The following PCSK6 variants were observed in gnomAD, a reference collection of about 807,000 sequenced individuals.
PCSK6 encodes paired basic amino acid cleaving enzyme 4.
Under a neutral mutation model 123.3 loss-of-function variants are expected in PCSK6, and 85 were observed. The observed-to-expected ratio is 0.69, with a 90% CI of 0.58 to 0.83. The LOEUF (loss-of-function observed/expected upper bound fraction) is 0.83, where lower values mean the gene tolerates loss of function less well. Ranked by LOEUF, PCSK6 falls within the 40% of genes least tolerant of loss-of-function variation. The pLI is 0.00. For missense variants in PCSK6, 1,191 were observed against 1,282.3 expected (o/e 0.93, Z 1.09); for synonymous variants, 508 against 516.0 (o/e 0.98, Z 0.21).
chr15:101,391,292 G>C (rs190326561), intron 8 of PCSK6, among the ~76,000 whole-genome samples: 1 of 152,240 alleles, frequency 6.6e-6, no homozygotes, highest in Non-Finnish European at 1.5e-5. Context: ...AATGTACTTG[G>C]GCTTGGTAAA....
intron 11 of PCSK6, among the ~76,000 whole-genome samples, chr15:101,376,876 C>T (rs761659447): frequency 6.6e-6 from 1 of 152,160 alleles, no homozygotes; most frequent in Non-Finnish European, 1.5e-5. Context: ...CTCTGTATAA[C>T]AACAGCCCAA....
intron 1 of PCSK6, among the ~76,000 whole-genome samples, chr15:101,448,891 C>T (rs956901357): frequency 2.6e-5 from 4 of 152,140 alleles, no homozygotes; most frequent in South Asian, 2.1e-4. Flanking sequence ...TCATGGGAGG[C>T]CTATATTATG....
chr15:101,428,297 C>T (rs2056328408), intron 5 of PCSK6, among the ~76,000 whole-genome samples: 1 of 152,248 alleles, frequency 6.6e-6, no homozygotes, highest in African/African-American at 2.4e-5. Flanking sequence ...CCTTCCTCCT[C>T]CCAGCACGTG....
intron 2 of PCSK6, among the ~76,000 whole-genome samples, chr15:101,441,376 C>A (rs2056749687): frequency 6.6e-6 from 1 of 152,028 alleles, no homozygotes. Flanking sequence ...GAGTCTGTCT[C>A]TGCTGCCTCA....
chr15:101,322,206 G>A (rs1225260118), intron 18 of PCSK6, among the ~76,000 whole-genome samples: 2 of 152,206 alleles, frequency 1.3e-5, no homozygotes, highest in African/African-American at 4.8e-5. Context: ...CAGACAGCGA[G>A]GGGAACTGGA....
chr15:101,376,038 A>G (rs1309907430), intron 11 of PCSK6, among the ~76,000 whole-genome samples: 1 of 152,150 alleles, frequency 6.6e-6, no homozygotes, highest in Non-Finnish European at 1.5e-5. Flanking sequence ...CATCTCAAAT[A>G]AAAACAAGTG....
Position 101,443,600 on chromosome 15 carries a change from AG to A in PCSK6, c.357del (p.Leu120Ter), listed in dbSNP as rs1360277805. 5 of 1,613,878 alleles carry A rather than the reference AG, an allele frequency of 3.1e-6. No individual in the cohort carries two copies. The Admixed American group carries it at 8.3e-5, about 27-fold the overall frequency. On this transcript the variant is annotated frameshift_variant, in exon 2 of 22. Transcript: ENST00000611716. LOFTEE classifies it high-confidence loss of function. ...AAGGTGTGAGGGCCTCTGCTACTCA[AG>A]GTTGATCTTTTAAAGGTTTTGCTGT... ...FYHSKTFKRS[T>X]LSSRGPHTFL...
chr15:101,431,960 T>G, intron 3 of PCSK6, 30 bp downstream of exon 3: 1 of 1,506,208 alleles, frequency 6.6e-7, no homozygotes, highest in Non-Finnish European at 9.2e-7. Context: ...GCAAGTGTCC[T>G]GGGGCAGACA....
chr15:101,389,593 G>C, intron 8 of PCSK6, 29 bp from the exon 9 acceptor site: 1 of 1,557,620 alleles, frequency 6.4e-7, no homozygotes, highest in Non-Finnish European at 8.8e-7. Context: ...CAGTGAGGCA[G>C]TGATGGCAGA....
In PCSK6 at chr15:101,428,137, C is replaced by A. The variant is rs187827818; in HGVS notation, c.735-157G>T. On this transcript the variant is annotated intron_variant, in intron 5 of 21. Coordinates refer to ENST00000611716, the MANE Select transcript of PCSK6 (RefSeq NM_002570.5). ...GCATCCCCTCTCATCACCAACCCCA[C>A]TCTGGGAGAAGGCACCAAGTCAGCC... 2.0e-4 allele frequency among the ~76,000 whole-genome samples: 31 copies of A among 152,350 alleles called. 1 individual carries two copies. The East Asian group carries it at 6.0e-3, about 29-fold the overall frequency.
intron 13 of PCSK6, among the ~76,000 whole-genome samples, chr15:101,342,672 C>A (rs1433167228): frequency 6.6e-6 from 1 of 152,148 alleles, no homozygotes; most frequent in African/African-American, 2.4e-5. Flanking sequence ...GAGGCTGAGG[C>A]GGGTGGATCA....
intron 18 of PCSK6, among the ~76,000 whole-genome samples, chr15:101,319,768 C>T (rs899942013): frequency 6.6e-6 from 1 of 152,188 alleles, no homozygotes; most frequent in Non-Finnish European, 1.5e-5. Flanking sequence ...GTAGCCCAGC[C>T]CAGCCCCATA....
rs147269813 is a variant in PCSK6, at chr15:101,364,045, C to T, written c.1858+2151G>A. On this transcript the variant is annotated intron_variant, in intron 13 of 21. Coordinates refer to ENST00000611716, the MANE Select transcript of PCSK6 (RefSeq NM_002570.5). ...TTGATGACTTAAAGTCAATTTTCCA[C>T]GTAAGGCAAGTCAACACTCTTCTTT... 4.6e-3 allele frequency among the ~76,000 whole-genome samples: 697 copies of T among 152,226 alleles called. 6 individuals carry two copies. Among genetic ancestry groups the T allele is most frequent in the African/African-American group, 0.016 (670 of 41,530 alleles).
chr15:101,331,983 G>C lies in PCSK6; in HGVS notation c.1907C>G (p.Pro636Arg). The change falls in exon 14 of 22, where the codon CCG becomes CGG. Residue 636 changes from proline to arginine, a missense_variant. This residue lies in a region of PCSK6 where 630 missense variants were observed against 631.4 expected (regional missense o/e 1.00). Transcript: ENST00000611716. ...SLILYGTAEHPYHTFSAHQSR... is the reference protein window; with the variant it reads ...SLILYGTAEHRYHTFSAHQSR... Reference sequence around the variant, plus strand: ...CTGATGGGCACTGAAGGTGTGGTACGGGTGCTCTGCTGTGCCATACAGTAT... The same window carrying C: ...CTGATGGGCACTGAAGGTGTGGTACCGGTGCTCTGCTGTGCCATACAGTAT... 1 of 1,613,542 alleles carries C rather than the reference G, an allele frequency of 6.2e-7. No individual in the cohort carries two copies. Among genetic ancestry groups the C allele is most frequent in the South Asian group, 1.1e-5 (1 of 91,000 alleles).
chr15:101,336,986 C>T (rs1976033), intron 13 of PCSK6: 69,577 of 151,820 alleles, frequency 0.46, 17,429 homozygotes, highest in African/African-American at 0.68. Flanking sequence ...CAATGGTAAT[C>T]TGGGAGACAT....
At chr15:101,329,350 G>A (rs561183148) in intron 15 of PCSK6, among the ~76,000 whole-genome samples, 11 of 152,326 alleles carry the variant, frequency 7.2e-5, no homozygotes, top group Admixed American at 1.3e-4. Flanking sequence ...CTTCTCCACC[G>A]TTCACGCCAT....
chr15:101,415,610 AT>A (rs2055860918), intron 6 of PCSK6, among the ~76,000 whole-genome samples: 1 of 152,230 alleles, frequency 6.6e-6, no homozygotes, highest in African/African-American at 2.4e-5. Flanking sequence ...TAGAATAAAA[AT>A]ACTCTTCAAA....
intron 8 of PCSK6, among the ~76,000 whole-genome samples, chr15:101,392,474 T>G (rs2042260434): frequency 6.6e-6 from 1 of 152,196 alleles, no homozygotes; most frequent in African/African-American, 2.4e-5. Context: ...GCTAGTGAGC[T>G]TTAAAATTTA....
chr15:101,366,059 G>A lies in PCSK6; in HGVS notation c.1858+137C>T, dbSNP rs887342594. ...TCCACTTAAAAATAATTAAAATGGT[G>A]AATTTTCTGTTATGGGAATTCTACC... On this transcript the variant is annotated intron_variant, in intron 13 of 21. Coordinates refer to ENST00000611716, the MANE Select transcript of PCSK6 (RefSeq NM_002570.5). 1.1e-5 allele frequency: 10 copies of A among 934,082 alleles called. No homozygotes were observed. In the Admixed American group the frequency reaches 1.9e-4, roughly 18 times the overall value. 57.9% of individuals were successfully genotyped at this position (934,082 alleles called of 1,614,324 possible).
Sources: gnomAD v4.1 joint callset for allele counts (sites outside exome capture counted in the v4.1 genomes callset) on GRCh38, gnomAD v4.1.1 for gene constraint, gnomAD v4.1.1 regional missense constraint, MANE v1.5 for transcripts, NCBI Gene and HGNC (gene_info 2026-07-23, HGNC 2026-07-21) for gene names.